Variants in CCDC171 observed in about 807,000 individuals in gnomAD.
The protein encoded by CCDC171 is coiled-coil domain containing 171.
Under a neutral mutation model 168.2 loss-of-function variants are expected in CCDC171, and 177 were observed. That is an observed-to-expected ratio of 1.05 (90% CI 0.93 to 1.19). The LOEUF is 1.19. CCDC171 is among the 50% of genes most tolerant of loss of function. CCDC171 has a pLI of 0.00. For missense variants in CCDC171, 1,991 were observed against 1,539.0 expected (o/e 1.29, Z -4.91); for synonymous variants, 687 against 540.8 (o/e 1.27, Z -3.75).
intron 21 of CCDC171, among the ~76,000 whole-genome samples, chr9:15,813,605 T>C (rs2059444092): frequency 8.1e-6 from 1 of 124,144 alleles, no homozygotes; most frequent in Non-Finnish European, 1.8e-5. Flanking sequence ...TTTACATGTA[T>C]TTGTGTGTGT....
intron 25 of CCDC171, 117 bp downstream of exon 25, chr9:15,920,539 C>G (rs988935063): frequency 1.4e-6 from 1 of 690,770 alleles, no homozygotes; most frequent in East Asian, 2.9e-5. Context: ...GGTAAATGAT[C>G]AATCAAGTGA....
intron 21 of CCDC171, among the ~76,000 whole-genome samples, chr9:15,822,263 A>G (rs934502312): frequency 6.6e-6 from 1 of 152,154 alleles, no homozygotes; most frequent in East Asian, 1.9e-4. Context: ...CATTCAGGAC[A>G]TAGGCATGGG....
intron 11 of CCDC171, among the ~76,000 whole-genome samples, chr9:15,696,415 A>G (rs1185650716): frequency 6.6e-6 from 1 of 152,176 alleles, no homozygotes; most frequent in Non-Finnish European, 1.5e-5. Flanking sequence ...GTTTTTATGT[A>G]AACTTTTCCC....
intron 24 of CCDC171, among the ~76,000 whole-genome samples, chr9:15,899,628 A>G (rs1437227826): frequency 2.0e-5 from 3 of 152,052 alleles, no homozygotes; most frequent in Non-Finnish European, 4.4e-5. Flanking sequence ...TGCTATTTGT[A>G]TATTCTCTTT....
At chr9:16,106,826 T>C in the CCDC171 span, among the ~76,000 whole-genome samples, 1 of 152,182 alleles carries the variant, frequency 6.6e-6, no homozygotes. Context: ...CATGTCCTTA[T>C]CTGCCCAGCA....
intron 3 of CCDC171, among the ~76,000 whole-genome samples, chr9:16,011,782 C>G (rs1832875844): frequency 6.6e-6 from 1 of 152,164 alleles, no homozygotes; most frequent in African/African-American, 2.4e-5. Flanking sequence ...AATTAGGAAA[C>G]AGATAAACAG....
chr9:15,886,405 C>T (rs1271637398), intron 24 of CCDC171: 2 of 152,128 alleles, frequency 1.3e-5, no homozygotes, highest in Admixed American at 6.6e-5. Context: ...AAAATCAAAA[C>T]CACAATGAGA....
At chr9:15,759,094 G>A (rs933004175) in intron 18 of CCDC171, among the ~76,000 whole-genome samples, 31 of 152,162 alleles carry the variant, frequency 2.0e-4, no homozygotes, top group Admixed American at 2.0e-3. Context: ...TTCTTCCAAT[G>A]TATTTCGTCT....
intron 21 of CCDC171, among the ~76,000 whole-genome samples, chr9:15,794,187 G>C (rs988391571): frequency 6.6e-6 from 1 of 152,028 alleles, no homozygotes; most frequent in Non-Finnish European, 1.5e-5. Flanking sequence ...ATCATGGACC[G>C]GGCATAGTGG....
At chr9:15,927,695 A>T (rs1826044421) in intron 25 of CCDC171, among the ~76,000 whole-genome samples, 1 of 151,674 alleles carries the variant, frequency 6.6e-6, no homozygotes, top group Non-Finnish European at 1.5e-5. Flanking sequence ...AATAAAAGTG[A>T]ATTGTTTAGA....
upstream of CCDC171, among the ~76,000 whole-genome samples, chr9:16,041,359 G>T (rs2133056233): frequency 6.6e-6 from 1 of 152,312 alleles, no homozygotes; most frequent in Middle Eastern, 3.4e-3. Flanking sequence ...GGAGCTTTTA[G>T]AAGACAGCAA....
chr9:16,108,318 C>T, the CCDC171 span, among the ~76,000 whole-genome samples: 1 of 152,220 alleles, frequency 6.6e-6, no homozygotes, highest in South Asian at 2.1e-4. Context: ...ACTTTGTCTT[C>T]TTGCTTTTAC....
chr9:15,834,484 C>G (rs760677761), intron 21 of CCDC171, among the ~76,000 whole-genome samples: 3 of 152,154 alleles, frequency 2.0e-5, no homozygotes, highest in South Asian at 2.1e-4. Flanking sequence ...TATCACATCA[C>G]TACTTAAGAT....
intron 21 of CCDC171, among the ~76,000 whole-genome samples, chr9:15,825,664 G>C (rs2059981147): frequency 6.6e-6 from 1 of 152,078 alleles, no homozygotes; most frequent in Non-Finnish European, 1.5e-5. Flanking sequence ...TTTCTTTCAA[G>C]TTTGGGGCAT....
At chr9:15,791,461 G>C (rs1168526420) in intron 21 of CCDC171, among the ~76,000 whole-genome samples, 5 of 152,168 alleles carry the variant, frequency 3.3e-5, no homozygotes, top group African/African-American at 1.2e-4. Context: ...CTGAGACTTT[G>C]CTGAAGTTGC....
intron 18 of CCDC171, among the ~76,000 whole-genome samples, chr9:15,776,714 A>C (rs1168087020): frequency 6.6e-6 from 1 of 152,196 alleles, no homozygotes; most frequent in East Asian, 1.9e-4. Context: ...GTTGCTCTTC[A>C]GTTGTTGAAT....
At chr9:15,684,414 T>G (rs2050241963) in intron 10 of CCDC171, among the ~76,000 whole-genome samples, 1 of 152,014 alleles carries the variant, frequency 6.6e-6, no homozygotes, top group Non-Finnish European at 1.5e-5. Context: ...TTATTAAAAT[T>G]GGCCTTCATG....
intron 2 of CCDC171, among the ~76,000 whole-genome samples, chr9:15,566,403 A>G (rs2039730329): frequency 6.6e-6 from 1 of 152,100 alleles, no homozygotes; most frequent in Admixed American, 6.5e-5. Context: ...ACAAAAAAAT[A>G]CAAAAATTAG....
chr9:15,666,715 C>T (rs527458313), intron 9 of CCDC171, among the ~76,000 whole-genome samples: 15 of 152,200 alleles, frequency 9.9e-5, no homozygotes, highest in African/African-American at 2.6e-4. Flanking sequence ...GTCCCAGCTA[C>T]TCGAGAGGCT....
Sources: allele counts gnomAD v4.1 joint callset (sites outside exome capture counted in the v4.1 genomes callset), GRCh38; gene constraint gnomAD v4.1.1; transcripts MANE v1.5; gene names NCBI Gene and HGNC (gene_info 2026-07-23, HGNC 2026-07-21).